STXBP6: variants seen among roughly 807,000 people sequenced by gnomAD.
The protein encoded by STXBP6 is syntaxin-binding protein 6.
STXBP6 carries 21 observed loss-of-function variants against 26.9 expected under a neutral mutation model. The ratio of observed to expected loss-of-function variants is 0.78; its 90% confidence interval spans 0.55 to 1.12. The LOEUF (loss-of-function observed/expected upper bound fraction) is 1.12, where lower values mean the gene tolerates loss of function less well. STXBP6 is among the 50% of genes most tolerant of loss of function. STXBP6 has a pLI of 0.00. For synonymous variants in STXBP6, 97 were observed against 92.6 expected, an observed-to-expected ratio of 1.05 and a Z score of -0.27; for missense variants, 232 against 257.9, an observed-to-expected ratio of 0.90 and a Z score of 0.69.
intron 1 of STXBP6, among the ~76,000 whole-genome samples, chr14:25,022,820 A>G (rs866181627): frequency 2.0e-5 from 3 of 152,126 alleles, no homozygotes; most frequent in Non-Finnish European, 4.4e-5. Context: ...CACAAATTCA[A>G]CTGCCTACTC....
At chr14:25,005,803 A>T (rs1034559304) in intron 1 of STXBP6, among the ~76,000 whole-genome samples, 19 of 146,252 alleles carry the variant, frequency 1.3e-4, no homozygotes, top group South Asian at 4.3e-4. Context: ...AGTAGGGAAA[A>T]AACTAAAAAA....
intron 2 of STXBP6, among the ~76,000 whole-genome samples, chr14:24,956,675 T>G (rs1231577568): frequency 6.6e-6 from 1 of 151,992 alleles, no homozygotes; most frequent in Non-Finnish European, 1.5e-5. Flanking sequence ...GCACGTCAGC[T>G]TAAAGAACAA....
chr14:25,009,594 C>A (rs747355046), intron 1 of STXBP6, among the ~76,000 whole-genome samples: 1 of 152,172 alleles, frequency 6.6e-6, no homozygotes, highest in African/African-American at 2.4e-5. Context: ...AGCACGCCAT[C>A]GCCACAACGT....
At chr14:24,896,844 A>G in intron 2 of STXBP6, among the ~76,000 whole-genome samples, 1 of 152,188 alleles carries the variant, frequency 6.6e-6, no homozygotes, top group African/African-American at 2.4e-5. Context: ...AAGCATCCGG[A>G]GTAAGCATGT....
chr14:24,875,102 G>A (rs1179751667), intron 2 of STXBP6, among the ~76,000 whole-genome samples: 1 of 152,162 alleles, frequency 6.6e-6, no homozygotes, highest in Non-Finnish European at 1.5e-5. Flanking sequence ...CTCTAACAGG[G>A]AGGAAGCATC....
intron 1 of STXBP6, among the ~76,000 whole-genome samples, chr14:24,984,598 A>G (rs2074286728): frequency 6.6e-6 from 1 of 152,204 alleles, no homozygotes; most frequent in African/African-American, 2.4e-5. Flanking sequence ...GATCTCCCCA[A>G]GGGTCAACTT....
chr14:24,884,240 C>T (rs2099379929), intron 2 of STXBP6, among the ~76,000 whole-genome samples: 1 of 152,188 alleles, frequency 6.6e-6, no homozygotes, highest in South Asian at 2.1e-4. Flanking sequence ...TAGAGAAAAA[C>T]TAGAACAATT....
At chr14:24,867,877 A>C (rs1413467297) in intron 2 of STXBP6, among the ~76,000 whole-genome samples, 1 of 152,198 alleles carries the variant, frequency 6.6e-6, no homozygotes, top group Admixed American at 6.5e-5. Context: ...ACAAACTGTG[A>C]GAACATATTT....
intron 1 of STXBP6, among the ~76,000 whole-genome samples, chr14:25,002,767 G>T (rs1326967256): frequency 1.4e-5 from 2 of 147,884 alleles, no homozygotes; most frequent in African/African-American, 5.2e-5. Flanking sequence ...TAAATGTACA[G>T]ATTCTTTTTT....
chr14:24,882,212 T>C (rs184867153), intron 2 of STXBP6, among the ~76,000 whole-genome samples: 4 of 149,662 alleles, frequency 2.7e-5, no homozygotes, highest in Non-Finnish European at 5.9e-5. Flanking sequence ...ACCCCGTCTC[T>C]ACTAAAAATA....
intron 2 of STXBP6, among the ~76,000 whole-genome samples, chr14:24,939,581 T>C (rs1157733185): frequency 6.6e-6 from 1 of 152,156 alleles, no homozygotes; most frequent in African/African-American, 2.4e-5. Context: ...TATCAAGATA[T>C]GTTTGTTGAA....
intron 2 of STXBP6, among the ~76,000 whole-genome samples, chr14:24,921,687 G>C (rs1286058653): frequency 6.6e-6 from 1 of 152,102 alleles, no homozygotes; most frequent in Admixed American, 6.6e-5. Context: ...AGAGGGACAG[G>C]CACAGAGTCC....
At chr14:24,915,760 G>GAATC (rs771528487) in intron 2 of STXBP6, among the ~76,000 whole-genome samples, 5 of 152,126 alleles carry the variant, frequency 3.3e-5, no homozygotes, top group South Asian at 2.1e-4. Flanking sequence ...ATGAATGAAT[G>GAATC]AATCAATCAA....
chr14:24,933,980 A>G (rs958486086), intron 2 of STXBP6, among the ~76,000 whole-genome samples: 7 of 152,188 alleles, frequency 4.6e-5, no homozygotes, highest in Non-Finnish European at 1.0e-4. Context: ...TTCCTAGACA[A>G]AGCAATGAGA....
intron 4 of STXBP6, among the ~76,000 whole-genome samples, chr14:24,828,964 C>T (rs1400485528): frequency 1.3e-5 from 2 of 152,070 alleles, no homozygotes; most frequent in African/African-American, 2.4e-5. Context: ...TAGGCTTAAA[C>T]GGTGCTACTG....
chr14:24,943,868 T>A (rs2072889451), intron 2 of STXBP6, among the ~76,000 whole-genome samples: 1 of 152,266 alleles, frequency 6.6e-6, no homozygotes. Flanking sequence ...ACATATTTCC[T>A]TATTTAAAAA....
intron 1 of STXBP6, among the ~76,000 whole-genome samples, chr14:25,001,033 G>C (rs556820860): frequency 2.0e-5 from 3 of 152,162 alleles, no homozygotes; most frequent in African/African-American, 7.2e-5. Context: ...TTTGTGAATT[G>C]ATTTTTCAGT....
chr14:24,818,888 T>A, intron 5 of STXBP6, 149 bp downstream of exon 5: 1 of 1,048,356 alleles, frequency 9.5e-7, no homozygotes, highest in Non-Finnish European at 1.3e-6. Context: ...ACGACTCAGG[T>A]GTTTAGTAAG....
chr14:24,951,784 T>A (rs1336099395), intron 2 of STXBP6, among the ~76,000 whole-genome samples: 1 of 152,084 alleles, frequency 6.6e-6, no homozygotes, highest in East Asian at 1.9e-4. Context: ...AAACAGACAG[T>A]AAGTTCTTTG....
Sources: allele counts gnomAD v4.1 joint callset (sites outside exome capture counted in the v4.1 genomes callset), GRCh38; gene constraint gnomAD v4.1.1; transcripts MANE v1.5; gene names NCBI Gene and HGNC (gene_info 2026-07-23, HGNC 2026-07-21).